Variants in PHKB observed in about 807,000 individuals in gnomAD.
PHKB encodes phosphorylase b kinase regulatory subunit beta.
PHKB carries 122 observed loss-of-function variants against 152.1 expected under a neutral mutation model. The ratio of observed to expected loss-of-function variants is 0.80; its 90% CI spans 0.69 to 0.93. The LOEUF (loss-of-function observed/expected upper bound fraction) is 0.93. Ranked by LOEUF, PHKB falls within the 40% of genes least tolerant of loss-of-function variation. The pLI, the probability that PHKB is intolerant of heterozygous loss-of-function variation, is 0.00. For missense variants in PHKB, 1,304 were observed against 1,328.4 expected (o/e 0.98, Z 0.29); for synonymous variants, 436 against 464.9 (o/e 0.94, Z 0.80).
At chr16:47,648,251 C>T (rs996711981) in intron 16 of PHKB, among the ~76,000 whole-genome samples, 15 of 151,896 alleles carry the variant, frequency 9.9e-5, no homozygotes, top group Admixed American at 2.0e-4. Flanking sequence ...TGTTCTTTTA[C>T]GATCAGAGCC....
intron 7 of PHKB, chr16:47,562,606 A>C (rs1295107089): frequency 6.6e-6 from 1 of 152,238 alleles, no homozygotes; most frequent in Non-Finnish European, 1.5e-5. Flanking sequence ...GCTAACAGTC[A>C]TCTGAACCTT....
intron 6 of PHKB, 23 bp from the exon 7 acceptor site, chr16:47,547,410 T>C (rs1396302107): frequency 7.8e-6 from 11 of 1,402,934 alleles, no homozygotes; most frequent in Non-Finnish European, 1.1e-5. Context: ...TATGTCCTTA[T>C]GTTTCATTTC....
At chr16:47,590,828 A>G (rs1039248116) in intron 10 of PHKB, 1 of 152,234 alleles carries the variant, frequency 6.6e-6, no homozygotes. Context: ...CAGTCCTGCT[A>G]TCTGACTCTG....
intron 7 of PHKB, among the ~76,000 whole-genome samples, chr16:47,560,184 A>G (rs370344533): frequency 1.3e-5 from 2 of 152,328 alleles, no homozygotes; most frequent in African/African-American, 4.8e-5. Context: ...AGTTTTCACC[A>G]AAGAGCAGAA....
chr16:47,478,338 A>G (rs922393970), intron 1 of PHKB, among the ~76,000 whole-genome samples: 2 of 152,204 alleles, frequency 1.3e-5, no homozygotes, highest in Non-Finnish European at 2.9e-5. Flanking sequence ...CATGGCTGAC[A>G]TGGACAGAGT....
chr16:47,517,645 A>G (rs1431679567), intron 6 of PHKB, among the ~76,000 whole-genome samples: 3 of 152,060 alleles, frequency 2.0e-5, no homozygotes, highest in Non-Finnish European at 2.9e-5. Context: ...TTATTTGTCA[A>G]CTGCCATTTT....
At chr16:47,569,466 A>G (rs1192375960) in intron 7 of PHKB, among the ~76,000 whole-genome samples, 1 of 152,166 alleles carries the variant, frequency 6.6e-6, no homozygotes. Flanking sequence ...CCATTCTGCC[A>G]ATCTGTATCT....
chr16:47,475,562 T>A lies in PHKB; in HGVS notation c.76+14136T>A, dbSNP rs1355342515. Reference sequence around the variant, plus strand: ...GGGGACTTCATCTGGAAATTTGTAGTGAGAAACCCAGATGGAACTCTAGAG... The same window carrying A: ...GGGGACTTCATCTGGAAATTTGTAGAGAGAAACCCAGATGGAACTCTAGAG... On this transcript the variant is annotated intron_variant, in intron 1 of 30. Transcript: ENST00000323584. Among the ~76,000 whole-genome samples, 6 of 152,194 alleles carry A rather than the reference T, an allele frequency of 3.9e-5. No individual in the cohort carries two copies. The East Asian group carries it at 1.2e-3, about 29-fold the overall frequency.
At chr16:47,615,693 C>A (rs1567328402) in intron 14 of PHKB, among the ~76,000 whole-genome samples, 1 of 152,370 alleles carries the variant, frequency 6.6e-6, no homozygotes, top group East Asian at 1.9e-4. Flanking sequence ...AGTCTGCTTT[C>A]TTTCCAGCTT....
At chr16:47,630,141 T>A (rs776684961) in intron 14 of PHKB, among the ~76,000 whole-genome samples, 2 of 152,048 alleles carry the variant, frequency 1.3e-5, no homozygotes, top group Admixed American at 6.5e-5. Flanking sequence ...AACCTGCACA[T>A]TGTGCACATG....
intron 7 of PHKB, among the ~76,000 whole-genome samples, chr16:47,564,616 C>A (rs1191220972): frequency 6.6e-6 from 1 of 152,000 alleles, no homozygotes; most frequent in East Asian, 1.9e-4. Context: ...AGTTACATGT[C>A]ATTTACAGGT....
intron 16 of PHKB, among the ~76,000 whole-genome samples, chr16:47,642,614 G>C (rs1424807268): frequency 1.3e-5 from 2 of 152,158 alleles, no homozygotes; most frequent in Non-Finnish European, 2.9e-5. Flanking sequence ...TCAAAGTCTT[G>C]TTGCTATAAC....
At chr16:47,518,517 G>A (rs965481731) in intron 6 of PHKB, among the ~76,000 whole-genome samples, 7 of 152,186 alleles carry the variant, frequency 4.6e-5, no homozygotes, top group African/African-American at 2.4e-5. Context: ...GAACTTTGCT[G>A]CAGAATGTAT....
chr16:47,483,034 C>CTTTTT (rs35429055), intron 1 of PHKB, among the ~76,000 whole-genome samples: 6 of 91,842 alleles, frequency 6.5e-5, no homozygotes, highest in Non-Finnish European at 8.4e-5. Context: ...TAAATAATTT[C>CTTTTT]TTTTTTTTTT....
At chr16:47,657,661 C>G (rs1973363054) in intron 20 of PHKB, among the ~76,000 whole-genome samples, 1 of 151,772 alleles carries the variant, frequency 6.6e-6, no homozygotes, top group Non-Finnish European at 1.5e-5. Context: ...TGGAATTTAG[C>G]ATTTGTCTAT....
chr16:47,606,873 C>G (rs1478053452), intron 13 of PHKB, among the ~76,000 whole-genome samples: 1 of 152,144 alleles, frequency 6.6e-6, no homozygotes, highest in African/African-American at 2.4e-5. Flanking sequence ...TCCCCACTGC[C>G]TCTCACTCTA....
intron 6 of PHKB, among the ~76,000 whole-genome samples, chr16:47,518,348 C>T (rs1263278979): frequency 2.0e-5 from 3 of 151,992 alleles, no homozygotes; most frequent in African/African-American, 7.3e-5. Flanking sequence ...TTTTGATAAG[C>T]CTTTGTTTTG....
intron 6 of PHKB, among the ~76,000 whole-genome samples, chr16:47,539,934 G>A (rs1567297694): frequency 6.6e-6 from 1 of 152,104 alleles, no homozygotes; most frequent in African/African-American, 2.4e-5. Flanking sequence ...AAAAAGAACA[G>A]AATAACAGCG....
At position 47,669,309 on chromosome 16, in the gene PHKB, C is replaced by T. The variant is rs1244473872; in HGVS notation, c.2522C>T (p.Thr841Ile). The change falls in exon 26 of 31, where the codon ACC becomes ATC. Residue 841 changes from threonine to isoleucine, a missense_variant. Coordinates refer to ENST00000323584, the MANE Select transcript of PHKB (RefSeq NM_000293.3). ...IQNIIYYKCNTHDEREAVIQQ... is the reference protein window; with the variant it reads ...IQNIIYYKCNIHDEREAVIQQ... ...AACATCATCTATTATAAGTGTAACA[C>T]CCATGATGAGAGGGAAGCGGTCATT... 1.2e-6 allele frequency: 2 copies of T among 1,613,742 alleles called. No homozygotes were observed.
Sources: gnomAD v4.1 joint callset for allele counts (sites outside exome capture counted in the v4.1 genomes callset) on GRCh38, gnomAD v4.1.1 for gene constraint, MANE v1.5 for transcripts, NCBI Gene and HGNC (gene_info 2026-07-23, HGNC 2026-07-21) for gene names.